SOX5: variants seen among roughly 807,000 people sequenced by gnomAD.
SOX5 encodes the protein SRY-box transcription factor 5.
SOX5 carries 9 observed loss-of-function variants against 92.0 expected under a neutral mutation model. The ratio of observed to expected loss-of-function variants is 0.10; its 90% CI spans 0.06 to 0.17. SOX5 has a LOEUF of 0.17. SOX5 is among the 10% of genes least tolerant of loss of function. SOX5 has a pLI of 1.00. For synonymous variants in SOX5, 344 were observed against 336.3 expected (o/e 1.02, Z -0.25); for missense variants, 642 against 944.5 (o/e 0.68, Z 4.20).
chr12:23,666,535 G>A lies in SOX5; in HGVS notation c.811-971C>T, dbSNP rs112675626. ...TGAACAAATATTTAAGCAAGATCTCGCTGGTGAAAATGATTATTGGTTAGT... is the reference window on the plus strand; with the variant it reads ...TGAACAAATATTTAAGCAAGATCTCACTGGTGAAAATGATTATTGGTTAGT... On this transcript the variant is annotated intron_variant, in intron 6 of 14. Coordinates refer to ENST00000451604, the MANE Select transcript of SOX5 (RefSeq NM_006940.6). Among the ~76,000 whole-genome samples, 337 of 152,218 alleles carry A rather than the reference G, an allele frequency of 2.2e-3. 2 individuals carry two copies. The highest frequency in any genetic ancestry group is 7.8e-3 in the African/African-American group (324 of 41,520).
intron 2 of SOX5, among the ~76,000 whole-genome samples, chr12:23,877,087 C>T (rs1301733774): frequency 6.6e-6 from 1 of 152,032 alleles, no homozygotes; most frequent in African/African-American, 2.4e-5. Flanking sequence ...CACCTGTATA[C>T]CTATGTAACA....
chr12:24,284,457 T>TGC lies in SOX5; in HGVS notation c.-173-7146_-173-7145insGC, dbSNP rs1555213249. Among the ~76,000 whole-genome samples, 973 of 147,638 alleles carry TGC rather than the reference T, an allele frequency of 6.6e-3. 12 individuals carry two copies. The highest frequency in any genetic ancestry group is 0.023 in the African/African-American group (934 of 40,450). On this transcript the variant is annotated intron_variant, in intron 2 of 4. Transcript: ENST00000446891. ...TTGTGTGTGTGTGTGTGTGTGTGCG[T>TGC]GTCTTTCATTTAACTTTTTAAACAT... is the stretch of plus-strand genomic sequence containing the variant.
intron 11 of SOX5, among the ~76,000 whole-genome samples, chr12:23,554,564 T>C (rs535836005): frequency 4.3e-4 from 66 of 152,268 alleles, no homozygotes; most frequent in Middle Eastern, 3.4e-3. Context: ...AAAAATTGTT[T>C]TAAACAAAGA....
chr12:23,955,290 AATAAC>A (rs1289336547), upstream of SOX5, among the ~76,000 whole-genome samples: 9 of 152,240 alleles, frequency 5.9e-5, no homozygotes, highest in Admixed American at 5.9e-4. Flanking sequence ...CACTTTCACA[AATAAC>A]ATAAAAGATA....
At chr12:24,028,386 G>A (rs1434535697) in intron 4 of SOX5, among the ~76,000 whole-genome samples, 1 of 151,964 alleles carries the variant, frequency 6.6e-6, no homozygotes, top group Non-Finnish European at 1.5e-5. Context: ...TAGGAGCACG[G>A]ATCAGAGTTT....
At chr12:24,176,734 G>A (rs1236005078) in intron 4 of SOX5, among the ~76,000 whole-genome samples, 2 of 152,132 alleles carry the variant, frequency 1.3e-5, no homozygotes, top group Non-Finnish European at 2.9e-5. Flanking sequence ...TTGCACTAGG[G>A]GCAAAGATGT....
At chr12:24,230,495 A>ACAC (rs1565706857) in intron 3 of SOX5, 1 of 152,180 alleles carries the variant, frequency 6.6e-6, no homozygotes, top group Non-Finnish European at 1.5e-5. Flanking sequence ...TGCAGAGAGC[A>ACAC]CACCCAAGCA....
intron 3 of SOX5, among the ~76,000 whole-genome samples, chr12:24,228,021 T>C (rs1194361191): frequency 1.3e-5 from 2 of 152,136 alleles, no homozygotes; most frequent in East Asian, 1.9e-4. Flanking sequence ...GTGTGAAGAG[T>C]GGATCTGGGG....
chr12:24,098,826 A>G (rs1040136994), intron 4 of SOX5, among the ~76,000 whole-genome samples: 1 of 152,120 alleles, frequency 6.6e-6, no homozygotes, highest in African/African-American at 2.4e-5. Context: ...ACCAGAAGGA[A>G]AGCTCTGAAA....
intron 4 of SOX5, among the ~76,000 whole-genome samples, chr12:24,105,117 C>A (rs1946527443): frequency 6.6e-6 from 1 of 152,186 alleles, no homozygotes; most frequent in Admixed American, 6.5e-5. Flanking sequence ...AACTTCATTT[C>A]AATGCCTCCA....
In SOX5 at chr12:23,533,470, T is replaced by C; in HGVS notation, c.*749A>G. ...AAAAGGAAAAAGTAAAGAGAAAAAATGAACTTGGTCAACACTTCAGTACAA... is the reference window on the plus strand; with the variant it reads ...AAAAGGAAAAAGTAAAGAGAAAAAACGAACTTGGTCAACACTTCAGTACAA... On this transcript the variant is annotated 3_prime_UTR_variant, in exon 15 of 15. Transcript: ENST00000451604. 5.2e-6 allele frequency: 1 copy of C among 191,978 alleles called. No homozygotes were observed. The highest frequency in any genetic ancestry group is 1.1e-5 in the Non-Finnish European group (1 of 90,578). 11.9% of individuals were successfully genotyped at this position (191,978 alleles called of 1,614,324 possible). A position where few individuals can be genotyped will look rare whatever the true frequency, so the allele number is the denominator to read the frequency against.
At chr12:23,544,992 T>C (rs1409140334) in intron 12 of SOX5, among the ~76,000 whole-genome samples, 1 of 152,236 alleles carries the variant, frequency 6.6e-6, no homozygotes, top group African/African-American at 2.4e-5. Flanking sequence ...TAGGTTTATC[T>C]TAGCTAAGTG....
chr12:23,956,664 T>C (rs1256526225), intron 4 of SOX5, among the ~76,000 whole-genome samples: 1 of 150,340 alleles, frequency 6.7e-6, no homozygotes, highest in African/African-American at 2.4e-5. Flanking sequence ...TCCTTATTAA[T>C]GCAATGGTCT....
intron 1 of SOX5, among the ~76,000 whole-genome samples, chr12:24,416,879 C>T (rs1965109092): frequency 6.6e-6 from 1 of 152,148 alleles, no homozygotes; most frequent in African/African-American, 2.4e-5. Context: ...TTAATGCTAA[C>T]CAGAATAATT....
chr12:24,323,147 T>C (rs1950361909), intron 2 of SOX5, among the ~76,000 whole-genome samples: 1 of 152,002 alleles, frequency 6.6e-6, no homozygotes, highest in African/African-American at 2.4e-5. Flanking sequence ...TGGAGGTCAT[T>C]AATCTGTTCT....
chr12:23,591,124 A>G (rs1169493939), intron 9 of SOX5, among the ~76,000 whole-genome samples: 1 of 152,026 alleles, frequency 6.6e-6, no homozygotes, highest in Admixed American at 6.6e-5. Context: ...ATAGTTATAC[A>G]AATGTTCAAA....
intron 3 of SOX5, chr12:23,762,504 T>C: frequency 2.2e-6 from 1 of 446,098 alleles, no homozygotes; most frequent in Non-Finnish European, 4.0e-6. Context: ...TATTTTTATA[T>C]GTGATTGTCC....
At chr12:23,713,706 A>AAT (rs371698007) in intron 6 of SOX5, among the ~76,000 whole-genome samples, 1,750 of 146,962 alleles carry the variant, frequency 0.012, 35 homozygotes, top group African/African-American at 0.041. Flanking sequence ...AATATATATA[A>AAT]ATATATATAT....
intron 4 of SOX5, 118 bp from the exon 5 acceptor site, chr12:23,741,157 GCAT>G (rs2093782188): frequency 3.3e-6 from 2 of 614,198 alleles, no homozygotes; most frequent in Non-Finnish European, 4.9e-6. Flanking sequence ...AAACACAAAA[GCAT>G]TACCTACCTT....
Sources: allele counts gnomAD v4.1 joint callset (sites outside exome capture counted in the v4.1 genomes callset), GRCh38; gene constraint gnomAD v4.1.1; transcripts MANE v1.5; gene names NCBI Gene and HGNC (gene_info 2026-07-23, HGNC 2026-07-21).